TTC34: variants seen among roughly 807,000 people sequenced by gnomAD.
The protein encoded by TTC34 is tetratricopeptide repeat protein 34.
A neutral mutation model predicts 40.7 loss-of-function variants in TTC34; 44 were observed. The ratio of observed to expected loss-of-function variants is 1.08; its 90% CI spans 0.85 to 1.39. The LOEUF (loss-of-function observed/expected upper bound fraction) is 1.39. Among genes scored for constraint, TTC34 ranks in the 40% most tolerant of loss-of-function variants. The pLI is 0.00. For synonymous variants in TTC34, 422 were observed against 398.6 expected (o/e 1.06, Z -0.70); for missense variants, 884 against 838.0 (o/e 1.05, Z -0.68).
chr1:2,644,377 C>T (rs945148395), exon 8 of TTC34: 37 of 1,535,902 alleles, frequency 2.4e-5, no homozygotes, highest in Non-Finnish European at 3.1e-5. Flanking sequence ...GGCACGTCTC[C>T]CTTCTTGAGC....
At position 2,759,754 on chromosome 1, in the gene TTC34, C is replaced by A. The variant is rs1360234709; in HGVS notation, c.2226+23855G>T. 1.6e-5 allele frequency among the ~76,000 whole-genome samples: 2 copies of A among 128,292 alleles called. 1 individual carries two copies. Among genetic ancestry groups the A allele is most frequent in the Non-Finnish European group, 3.2e-5 (2 of 62,412 alleles). 84.2% of individuals were successfully genotyped at this position (128,292 alleles called of 152,430 possible). A position where few individuals can be genotyped will look rare whatever the true frequency, so the allele number is the denominator to read the frequency against. ...ACATCCGACATCGTGGAGCAGCACC[C>A]CACACCCACAGGTGAGCATCTCACA... On this transcript the variant is annotated intron_variant, in intron 6 of 8. Coordinates refer to ENST00000401095, the Ensembl canonical transcript of TTC34.
At chr1:2,794,731 G>A (rs1377996743) in intron 2 of TTC34, among the ~76,000 whole-genome samples, 2 of 152,054 alleles carry the variant, frequency 1.3e-5, no homozygotes, top group Non-Finnish European at 2.9e-5. Context: ...ATTTATGGTG[G>A]GTTTGGGATA....
chr1:2,644,128 AC>A, intron 8 of TTC34, 135 bp downstream of exon 8: 1 of 943,820 alleles, frequency 1.1e-6, no homozygotes, highest in Non-Finnish European at 1.6e-6. Context: ...GGTGCCTCCC[AC>A]CCCACCCCAA....
At chr1:2,753,118 TG>T (rs1641381088) in intron 6 of TTC34, among the ~76,000 whole-genome samples, 1 of 125,300 alleles carries the variant, frequency 8.0e-6, no homozygotes. Flanking sequence ...TCCGACAGCC[TG>T]GAACAGCACC....
At chr1:2,654,593 T>G (rs75898841) in intron 6 of TTC34, among the ~76,000 whole-genome samples, 15 of 17,806 alleles carry the variant, frequency 8.4e-4, no homozygotes, top group East Asian at 5.3e-3. Flanking sequence ...GCATCCGACA[T>G]CCTGAAACAG....
rs796888861 is a variant in TTC34 at position 2,690,988 on chromosome 1, A to C, written c.2227-45425T>G. Among the ~76,000 whole-genome samples the C allele has an allele frequency of 7.0e-5, 4 of 56,738 alleles. 1 individual carries two copies. The South Asian group carries it at 2.1e-3, about 30-fold the overall frequency. 37.2% of individuals were successfully genotyped at this position (56,738 alleles called of 152,430 possible). A position where few individuals can be genotyped will look rare whatever the true frequency, so the allele number is the denominator to read the frequency against. ...CTGGAACAGCACCCACACCCCTAGG[A>C]GAGCATCCGGCAGCCTGGAGCGGAA... On this transcript the variant is annotated intron_variant, in intron 6 of 8. Transcript: ENST00000401095.
At chr1:2,641,514 C>G (rs778891145) in exon 9 of TTC34, 1 of 1,535,486 alleles carries the variant, frequency 6.5e-7, no homozygotes, top group South Asian at 1.2e-5. Flanking sequence ...CAGCACTGCC[C>G]GCGGAGAAGG....
At chr1:2,748,900 AG>A (rs1641229745) in intron 6 of TTC34, among the ~76,000 whole-genome samples, 1 of 119,498 alleles carries the variant, frequency 8.4e-6, no homozygotes, top group Non-Finnish European at 1.6e-5. Flanking sequence ...AGCATCTGAC[AG>A]CCTGGAACAG....
At chr1:2,798,679 CCCTCAGCTCCCCAGCCCCCCAGCG>C in intron 2 of TTC34, among the ~76,000 whole-genome samples, 1 of 127,340 alleles carries the variant, frequency 7.9e-6, no homozygotes, top group Non-Finnish European at 1.7e-5. Flanking sequence ...GCCTCTCAGC[CCCTCAGCTCCCCAGCCCCCCAGCG>C]TCCCAGCCTC....
chr1:2,649,921 C>G (rs1639094355), intron 6 of TTC34, among the ~76,000 whole-genome samples: 2 of 149,546 alleles, frequency 1.3e-5, no homozygotes, highest in African/African-American at 5.0e-5. Flanking sequence ...TGGAATGGCA[C>G]TCTGCATCCC....
intron 6 of TTC34, among the ~76,000 whole-genome samples, chr1:2,751,446 C>CAT: frequency 2.5e-5 from 1 of 39,388 alleles, no homozygotes; most frequent in African/African-American, 1.1e-4. Flanking sequence ...AGAGCCCAGA[C>CAT]CCCCAGGTGA....
Position 2,645,482 on chromosome 1 carries a change from C to A in TTC34, c.2308G>T (p.Ala770Ser). ...AGGCCCTGTGTGATGAGGGCCTGGG[C>A]TTCCGGCTTCAGAGAGCGGAGCTCA... The change falls in exon 7 of 9, where the codon GCC becomes TCC. Residue 770 changes from alanine to serine, a missense_variant. By Grantham distance (99) the Ala-to-Ser change is moderately conservative. Coordinates refer to ENST00000401095, the Ensembl canonical transcript of TTC34. This position sits in a 1 kb window ranked among gnomAD's most constrained non-coding sequence, Gnocchi z 4.7. The A allele has an allele frequency of 1.1e-5, 17 of 1,529,522 alleles. No individual in the cohort carries two copies. The highest frequency in any genetic ancestry group is 1.5e-5 in the Non-Finnish European group (17 of 1,144,590). The allele number at this position is 1,529,522 out of a possible 1,614,324, so 94.7% of individuals were successfully genotyped here.
chr1:2,688,222 T>C (rs1640459221), intron 6 of TTC34, among the ~76,000 whole-genome samples: 1 of 113,614 alleles, frequency 8.8e-6, no homozygotes, highest in African/African-American at 3.9e-5. Context: ...CAGGGGAGCA[T>C]CCGACAGCCT....
intron 6 of TTC34, among the ~76,000 whole-genome samples, chr1:2,667,153 C>G (rs1639671299): frequency 2.0e-4 from 1 of 4,972 alleles, no homozygotes. Context: ...GAGCATCTGA[C>G]AACCTGGAGC....
rs961713514 is a variant in TTC34, at chr1:2,789,502, C to T, written c.1628+1G>A. The T allele has an allele frequency of 2.0e-6, 3 of 1,507,582 alleles. No individual in the cohort carries two copies. Among genetic ancestry groups the T allele is most frequent in the Non-Finnish European group, 2.6e-6 (3 of 1,132,150 alleles). 93.4% of individuals were successfully genotyped at this position (1,507,582 alleles called of 1,614,324 possible). ...CCCAGCGTGCCCGGGCGGGTCCTCACCCCTCCTGCGTGGTGGGGCCGCCCG... is the reference window on the plus strand; with the variant it reads ...CCCAGCGTGCCCGGGCGGGTCCTCATCCCTCCTGCGTGGTGGGGCCGCCCG... On this transcript the variant is annotated splice_donor_variant, in intron 3 of 8. Coordinates refer to ENST00000401095, the Ensembl canonical transcript of TTC34. LOFTEE classifies it high-confidence loss of function.
rs1218049258 is a variant in TTC34, at chr1:2,688,614, C to G, written c.2227-43051G>C. On this transcript the variant is annotated intron_variant, in intron 6 of 8. Transcript: ENST00000401095. ...CAGCCTGGAGCAGCACCCACACCCC[C>G]AGGTGCGCATCTGATGGTCTGGAGT... 5.8e-5 allele frequency among the ~76,000 whole-genome samples: 8 copies of G among 138,104 alleles called. 1 individual carries two copies. Among genetic ancestry groups the G allele is most frequent in the East Asian group, 2.1e-4 (1 of 4,784 alleles). The allele number at this position is 138,104 out of a possible 152,430, so 90.6% of individuals were successfully genotyped here. A position where few individuals can be genotyped will look rare whatever the true frequency, so the allele number is the denominator to read the frequency against.
At chr1:2,775,456 G>C (rs1178342956) in intron 6 of TTC34, 1 of 148,374 alleles carries the variant, frequency 6.7e-6, no homozygotes, top group African/African-American at 2.6e-5. Context: ...CTGACAGCCT[G>C]GAGCAGTACC....
chr1:2,699,609 C>G (rs573489171), intron 6 of TTC34, among the ~76,000 whole-genome samples: 15 of 116,788 alleles, frequency 1.3e-4, no homozygotes, highest in Non-Finnish European at 2.6e-4. Context: ...GAGCAGCACC[C>G]ACACACCCAG....
intron 6 of TTC34, among the ~76,000 whole-genome samples, chr1:2,755,699 CAA>C (rs1641480603): frequency 1.1e-4 from 1 of 9,514 alleles, no homozygotes; most frequent in East Asian, 7.4e-3. Context: ...AGCAGCACCC[CAA>C]ACCCACAGGT....
Sources: gnomAD v4.1 joint callset for allele counts (sites outside exome capture counted in the v4.1 genomes callset) on GRCh38, gnomAD v4.1.1 for gene constraint, Gnocchi (gnomAD v3.1) non-coding constraint, MANE v1.5 for transcripts, NCBI Gene and HGNC (gene_info 2026-07-23, HGNC 2026-07-21) for gene names.